Variants in SLC35F1 observed in about 807,000 individuals in gnomAD.
SLC35F1 encodes solute carrier family 35 member F1, also known as chromosome 6 open reading frame 169.
In SLC35F1, 14 loss-of-function variants were observed where a neutral mutation model predicts 48.7. The ratio of observed to expected loss-of-function variants is 0.29; its 90% CI spans 0.19 to 0.45. SLC35F1 has a LOEUF of 0.45. Among genes scored for constraint, SLC35F1 ranks in the 20% least tolerant of loss-of-function variants. The pLI is 1.00. For synonymous variants in SLC35F1, 190 were observed against 202.2 expected, an observed-to-expected ratio of 0.94 and a Z score of 0.51; for missense variants, 404 against 500.0, an observed-to-expected ratio of 0.81 and a Z score of 1.83.
At chr6:118,242,661 C>G (rs562868455) in intron 3 of SLC35F1, among the ~76,000 whole-genome samples, 1 of 152,166 alleles carries the variant, frequency 6.6e-6, no homozygotes, top group Admixed American at 6.5e-5. Flanking sequence ...TATAACTGTG[C>G]TATATGAACC....
chr6:118,055,018 G>T (rs775541288), intron 1 of SLC35F1, among the ~76,000 whole-genome samples: 1 of 152,062 alleles, frequency 6.6e-6, no homozygotes, highest in South Asian at 2.1e-4. Flanking sequence ...CGCGTGATCC[G>T]CCTGCCTCGG....
intron 1 of SLC35F1, among the ~76,000 whole-genome samples, chr6:118,124,197 G>A (rs1050189520): frequency 6.6e-6 from 1 of 152,202 alleles, no homozygotes; most frequent in African/African-American, 2.4e-5. Context: ...TATGACCTTG[G>A]ATTATTCATG....
chr6:117,999,833 A>G (rs1338417954), intron 1 of SLC35F1, among the ~76,000 whole-genome samples: 1 of 152,024 alleles, frequency 6.6e-6, no homozygotes, highest in Non-Finnish European at 1.5e-5. Flanking sequence ...CTACGCAAAT[A>G]AACTAGAAAA....
intron 1 of SLC35F1, among the ~76,000 whole-genome samples, chr6:118,003,238 C>T (rs1451701159): frequency 6.6e-6 from 1 of 152,176 alleles, no homozygotes; most frequent in Non-Finnish European, 1.5e-5. Flanking sequence ...ATGGCTGAGT[C>T]CTCATGTGTA....
chr6:118,194,477 T>C (rs1774774183), intron 2 of SLC35F1, among the ~76,000 whole-genome samples: 2 of 152,142 alleles, frequency 1.3e-5, no homozygotes, highest in Non-Finnish European at 2.9e-5. Flanking sequence ...TTTTTTTTTC[T>C]TTCTTCAGAG....
intron 1 of SLC35F1, among the ~76,000 whole-genome samples, chr6:117,965,437 C>T (rs1431358105): frequency 6.6e-6 from 1 of 152,200 alleles, no homozygotes; most frequent in Non-Finnish European, 1.5e-5. Flanking sequence ...ATTGCAGAAA[C>T]AGGTGAGGCT....
At position 117,935,133 on chromosome 6, in the gene SLC35F1, CT is replaced by C. The variant is rs546666634; in HGVS notation, c.173+27235del. On this transcript the variant is annotated intron_variant, in intron 1 of 7. Transcript: ENST00000360388. ...AATAAATAAATAAATAAATAAACTA[CT>C]CACTTAACCATCTGAAATAACTTAT... 2.2e-3 allele frequency among the ~76,000 whole-genome samples: 338 copies of C among 152,192 alleles called. 3 individuals are homozygous for C. The highest frequency in any genetic ancestry group is 7.6e-3 in the African/African-American group (317 of 41,522).
chr6:118,172,205 G>A (rs1033897008), intron 2 of SLC35F1, among the ~76,000 whole-genome samples: 1 of 152,036 alleles, frequency 6.6e-6, no homozygotes. Context: ...AGCAGAGTAT[G>A]AGGGATAACC....
intron 2 of SLC35F1, among the ~76,000 whole-genome samples, chr6:118,232,097 A>T (rs913365097): frequency 1.3e-5 from 2 of 152,254 alleles, no homozygotes; most frequent in African/African-American, 4.8e-5. Context: ...ATTTATTTAT[A>T]CATTTATGTT....
intron 2 of SLC35F1, among the ~76,000 whole-genome samples, chr6:118,200,163 C>T (rs56236565): frequency 2.8e-4 from 21 of 76,034 alleles, no homozygotes; most frequent in African/African-American, 1.0e-3. Context: ...TACATATATA[C>T]ATACATACAT....
intron 2 of SLC35F1, among the ~76,000 whole-genome samples, chr6:118,208,121 G>A (rs1225440195): frequency 9.2e-6 from 1 of 108,472 alleles, no homozygotes; most frequent in African/African-American, 3.8e-5. Context: ...GCGCGCGCGC[G>A]ATCACACACA....
intron 1 of SLC35F1, among the ~76,000 whole-genome samples, chr6:117,908,849 G>A (rs1201580240): frequency 2.6e-5 from 4 of 152,182 alleles, no homozygotes; most frequent in Non-Finnish European, 5.9e-5. Flanking sequence ...ATCTGTAGGG[G>A]TAACTGTTCC....
At chr6:117,979,943 ATTAC>A (rs971883412) in intron 1 of SLC35F1, among the ~76,000 whole-genome samples, 1 of 152,200 alleles carries the variant, frequency 6.6e-6, no homozygotes, top group Non-Finnish European at 1.5e-5. Context: ...GCCAGCAAGA[ATTAC>A]TTATCAGAAT....
intron 2 of SLC35F1, among the ~76,000 whole-genome samples, chr6:118,201,687 T>C (rs1172748142): frequency 6.6e-6 from 1 of 152,250 alleles, no homozygotes; most frequent in African/African-American, 2.4e-5. Flanking sequence ...TATGTTCACA[T>C]AGTTGTACAA....
rs765664027 is a variant in SLC35F1, at chr6:118,059,879, AT to A, written c.174-94561del. Among the ~76,000 whole-genome samples, 4 of 152,302 alleles carry A rather than the reference AT, an allele frequency of 2.6e-5. No individual in the cohort carries two copies. In the East Asian group the frequency reaches 7.7e-4, roughly 29 times the overall value. ...GATCTACTACTGATCTAATGATACC[AT>A]TTTTATAGAGGTAGGAGAAGAAACA... On this transcript the variant is annotated intron_variant, in intron 1 of 7. Transcript: ENST00000360388.
At chr6:118,290,060 TC>T (rs1776102022) in intron 7 of SLC35F1, among the ~76,000 whole-genome samples, 1 of 152,218 alleles carries the variant, frequency 6.6e-6, no homozygotes, top group Non-Finnish European at 1.5e-5. Context: ...GTAGTGAGAA[TC>T]AAAAATTTCT....
intron 1 of SLC35F1, among the ~76,000 whole-genome samples, chr6:118,036,411 T>A (rs1772132245): frequency 6.6e-6 from 1 of 152,230 alleles, no homozygotes; most frequent in Admixed American, 6.5e-5. Flanking sequence ...TTAAATTTCT[T>A]AAGACTTGTT....
At chr6:118,060,369 G>A (rs950720473) in intron 1 of SLC35F1, among the ~76,000 whole-genome samples, 2 of 151,978 alleles carry the variant, frequency 1.3e-5, no homozygotes, top group Admixed American at 1.3e-4. Context: ...TTTATTCCTA[G>A]CGAATGTAAA....
At chr6:118,108,769 A>AT (rs1471305626) in intron 1 of SLC35F1, among the ~76,000 whole-genome samples, 1 of 151,742 alleles carries the variant, frequency 6.6e-6, no homozygotes, top group Non-Finnish European at 1.5e-5. Flanking sequence ...TCCCCTTTAA[A>AT]TTTTTTTTCT....
Sources: allele counts gnomAD v4.1 joint callset (sites outside exome capture counted in the v4.1 genomes callset), GRCh38; gene constraint gnomAD v4.1.1; transcripts MANE v1.5; gene names NCBI Gene and HGNC (gene_info 2026-07-23, HGNC 2026-07-21).